Variants in TRAPPC9 observed in about 807,000 individuals in gnomAD.
The protein encoded by TRAPPC9 is trafficking protein particle complex subunit 9, also known as IKK2 binding protein.
In TRAPPC9, 83 loss-of-function variants were observed where a neutral mutation model predicts 124.0. The ratio of observed to expected loss-of-function variants is 0.67; its 90% CI spans 0.56 to 0.80. The LOEUF (loss-of-function observed/expected upper bound fraction) is 0.80. TRAPPC9 is among the 30% of genes least tolerant of loss of function. The pLI, the probability that TRAPPC9 is intolerant of heterozygous loss-of-function variation, is 0.00. For synonymous variants in TRAPPC9, 638 were observed against 617.5 expected (o/e 1.03, Z -0.49); for missense variants, 1,302 against 1,508.3 (o/e 0.86, Z 2.27).
chr8:140,266,559 T>C (rs1057225691), intron 15 of TRAPPC9, among the ~76,000 whole-genome samples: 53 of 88,542 alleles, frequency 6.0e-4, no homozygotes, highest in African/African-American at 2.8e-3. Flanking sequence ...ATGGGGTGGG[T>C]TATAAACTCA....
At chr8:140,205,580 A>G (rs1315997914) in intron 17 of TRAPPC9, among the ~76,000 whole-genome samples, 2 of 152,240 alleles carry the variant, frequency 1.3e-5, no homozygotes, top group Non-Finnish European at 2.9e-5. Context: ...ATTTTAAATC[A>G]TGAATGCACT....
At chr8:140,219,190 A>G (rs1272058730) in intron 17 of TRAPPC9, among the ~76,000 whole-genome samples, 1 of 152,118 alleles carries the variant, frequency 6.6e-6, no homozygotes, top group Non-Finnish European at 1.5e-5. Flanking sequence ...CAGGGAAGAA[A>G]GGAAGGGGAG....
At chr8:140,153,904 A>T (rs1403745968) in intron 17 of TRAPPC9, among the ~76,000 whole-genome samples, 1 of 152,142 alleles carries the variant, frequency 6.6e-6, no homozygotes, top group Non-Finnish European at 1.5e-5. Context: ...CCCAGAGCTC[A>T]TTCAAGCCTT....
chr8:139,925,414 C>T (rs973303028), intron 19 of TRAPPC9, among the ~76,000 whole-genome samples: 9 of 152,128 alleles, frequency 5.9e-5, no homozygotes, highest in East Asian at 1.9e-4. Context: ...GCAGAAATCT[C>T]GGATTGATCC....
At chr8:140,049,151 G>T (rs1841814521) in intron 17 of TRAPPC9, among the ~76,000 whole-genome samples, 1 of 152,120 alleles carries the variant, frequency 6.6e-6, no homozygotes, top group Admixed American at 6.5e-5. Flanking sequence ...TATAGATATG[G>T]AAACAGAAAC....
intron 17 of TRAPPC9, among the ~76,000 whole-genome samples, chr8:140,217,749 C>T (rs2063230765): frequency 6.6e-6 from 1 of 152,162 alleles, no homozygotes; most frequent in Admixed American, 6.5e-5. Flanking sequence ...GGCACGGTGG[C>T]TCATGCCAGT....
chr8:140,347,662 C>T (rs961075176), intron 9 of TRAPPC9, among the ~76,000 whole-genome samples: 1 of 152,210 alleles, frequency 6.6e-6, no homozygotes, highest in Non-Finnish European at 1.5e-5. Flanking sequence ...TAAAGCCCCA[C>T]TTGGCCTTGT....
intron 21 of TRAPPC9, among the ~76,000 whole-genome samples, chr8:139,753,362 C>T (rs1327578083): frequency 6.6e-6 from 1 of 152,024 alleles, no homozygotes; most frequent in Non-Finnish European, 1.5e-5. Flanking sequence ...ATCCATTCAT[C>T]CATCAACAAC....
chr8:139,857,238 A>C (rs1365059937), intron 21 of TRAPPC9, among the ~76,000 whole-genome samples: 3 of 152,208 alleles, frequency 2.0e-5, no homozygotes, highest in Non-Finnish European at 2.9e-5. Flanking sequence ...GCGGCGGCTC[A>C]TGGGCCTGGT....
intron 17 of TRAPPC9, among the ~76,000 whole-genome samples, chr8:140,057,282 T>C (rs1842342755): frequency 6.6e-6 from 1 of 152,192 alleles, no homozygotes; most frequent in Admixed American, 6.5e-5. Context: ...GTATGAAGTT[T>C]CCTCAAAAAA....
chr8:140,367,606 G>C (rs1214255086), intron 8 of TRAPPC9, among the ~76,000 whole-genome samples: 1 of 152,104 alleles, frequency 6.6e-6, no homozygotes, highest in East Asian at 1.9e-4. Context: ...GAGCACAAAG[G>C]ATCTTCACGG....
At chr8:140,311,970 C>T (rs1361276116) in intron 9 of TRAPPC9, among the ~76,000 whole-genome samples, 3 of 152,194 alleles carry the variant, frequency 2.0e-5, no homozygotes, top group Non-Finnish European at 4.4e-5. Flanking sequence ...AGACAGGCCA[C>T]GGACACAGAC....
intron 19 of TRAPPC9, among the ~76,000 whole-genome samples, chr8:139,987,768 G>A (rs993177742): frequency 5.9e-5 from 9 of 152,198 alleles, no homozygotes; most frequent in Non-Finnish European, 1.3e-4. Flanking sequence ...AGTGGAGAGT[G>A]GGTCAGGGGC....
chr8:140,330,012 G>A (rs113415589), intron 9 of TRAPPC9, among the ~76,000 whole-genome samples: 12,974 of 152,122 alleles, frequency 0.085, 681 homozygotes, highest in African/African-American at 0.15. Context: ...CTGGGAGGCA[G>A]AAGTTGCAGG....
chr8:139,824,441 G>C (rs1227155315), intron 21 of TRAPPC9, among the ~76,000 whole-genome samples: 1 of 152,182 alleles, frequency 6.6e-6, no homozygotes, highest in Non-Finnish European at 1.5e-5. Context: ...GGAGCACGTC[G>C]GGCGGTGGAG....
intron 17 of TRAPPC9, among the ~76,000 whole-genome samples, chr8:140,138,179 G>A (rs1195941016): frequency 6.6e-6 from 1 of 152,130 alleles, no homozygotes; most frequent in Non-Finnish European, 1.5e-5. Context: ...GCAAACACCT[G>A]TAATCTCAGC....
At chr8:139,983,184 C>T (rs562636645) in intron 19 of TRAPPC9, among the ~76,000 whole-genome samples, 365 of 152,298 alleles carry the variant, frequency 2.4e-3, no homozygotes, top group African/African-American at 8.3e-3. Flanking sequence ...CCTCCAACTA[C>T]GAAGCAGGAA....
intron 17 of TRAPPC9, among the ~76,000 whole-genome samples, chr8:140,108,748 G>A (rs529652264): frequency 6.6e-6 from 1 of 152,210 alleles, no homozygotes; most frequent in Non-Finnish European, 1.5e-5. Context: ...CCCTCAGCAA[G>A]TATGCAGGGA....
rs144351434 is a variant in TRAPPC9, at chr8:140,235,684, T to C, written c.2432-14101A>G. Among the ~76,000 whole-genome samples, 1,058 of 152,298 alleles carry C rather than the reference T, an allele frequency of 6.9e-3. 19 individuals are homozygous for C. Among genetic ancestry groups the C allele is most frequent in the African/African-American group, 0.022 (927 of 41,554 alleles). ...GGAGCAAGAGAGAGTTCATACATAGTGCTGGGATGTACAGAAATCCCAAGA... is the reference window on the plus strand; with the variant it reads ...GGAGCAAGAGAGAGTTCATACATAGCGCTGGGATGTACAGAAATCCCAAGA... On this transcript the variant is annotated intron_variant, in intron 16 of 22. Transcript: ENST00000438773.
Sources: allele counts gnomAD v4.1 joint callset (sites outside exome capture counted in the v4.1 genomes callset), GRCh38; gene constraint gnomAD v4.1.1; transcripts MANE v1.5; gene names NCBI Gene and HGNC (gene_info 2026-07-23, HGNC 2026-07-21).